The following GOLPH3 variants were observed in gnomAD, a reference collection of about 807,000 sequenced individuals.
GOLPH3 encodes golgi phosphoprotein 3, also known as coat protein GPP34.
In GOLPH3, 14 loss-of-function variants were observed where a neutral mutation model predicts 28.5. The ratio of observed to expected loss-of-function variants is 0.49; its 90% CI spans 0.32 to 0.77. The LOEUF is 0.77. Ranked by LOEUF, GOLPH3 falls within the 30% of genes least tolerant of loss-of-function variation. The probability of loss-of-function intolerance (pLI) is 0.03; values close to 1 mark genes in which losing one functional copy is unlikely to be tolerated. For missense variants in GOLPH3, 350 were observed against 393.7 expected (o/e 0.89, Z 0.94); for synonymous variants, 158 against 159.2 (o/e 0.99, Z 0.06).
At chr5:32,171,717 G>A (rs936270966) in intron 1 of GOLPH3, among the ~76,000 whole-genome samples, 1 of 152,084 alleles carries the variant, frequency 6.6e-6, no homozygotes, top group African/African-American at 2.4e-5. Context: ...GGAGGCCGAG[G>A]CAAGTGGATC....
intron 2 of GOLPH3, among the ~76,000 whole-genome samples, chr5:32,143,224 T>A (rs1004313600): frequency 2.0e-5 from 3 of 152,050 alleles, no homozygotes; most frequent in Admixed American, 6.5e-5. Flanking sequence ...GTGCAAGATG[T>A]GCTTTGTTAA....
intron 1 of GOLPH3, among the ~76,000 whole-genome samples, chr5:32,153,501 T>G (rs1367664588): frequency 6.6e-6 from 1 of 151,900 alleles, no homozygotes; most frequent in Non-Finnish European, 1.5e-5. Context: ...TATTTTAACT[T>G]TAGAATACAG....
chr5:32,128,207 G>A (rs1455300190), intron 3 of GOLPH3, among the ~76,000 whole-genome samples: 1 of 152,200 alleles, frequency 6.6e-6, no homozygotes, highest in Non-Finnish European at 1.5e-5. Flanking sequence ...AATTCTAAGA[G>A]TTCAGTAGAG....
chr5:32,132,107 G>GACTGCACC, intron 3 of GOLPH3, among the ~76,000 whole-genome samples: 1 of 152,322 alleles, frequency 6.6e-6, no homozygotes, highest in East Asian at 1.9e-4. Flanking sequence ...AGTGAGCTGT[G>GACTGCACC]ACTGCACCAC....
At chr5:32,164,519 G>C (rs1191886735) in intron 1 of GOLPH3, among the ~76,000 whole-genome samples, 1 of 151,584 alleles carries the variant, frequency 6.6e-6, no homozygotes, top group Non-Finnish European at 1.5e-5. Context: ...TCAGCCTCCC[G>C]AGTAGCTGGG....
At chr5:32,150,144 A>C (rs1746272656) in intron 1 of GOLPH3, among the ~76,000 whole-genome samples, 1 of 152,158 alleles carries the variant, frequency 6.6e-6, no homozygotes, top group Non-Finnish European at 1.5e-5. Flanking sequence ...CAAACAAAAT[A>C]CACATGTTAA....
At chr5:32,143,309 A>G (rs1746122742) in intron 2 of GOLPH3, among the ~76,000 whole-genome samples, 1 of 151,382 alleles carries the variant, frequency 6.6e-6, no homozygotes, top group Non-Finnish European at 1.5e-5. Flanking sequence ...GGACACAAAC[A>G]CTGCGGAAGG....
chr5:32,167,257 C>T (rs902629158), intron 1 of GOLPH3, among the ~76,000 whole-genome samples: 9 of 152,096 alleles, frequency 5.9e-5, no homozygotes, highest in Non-Finnish European at 1.3e-4. Context: ...CTGCAACCTC[C>T]GCCTCTCAGG....
In GOLPH3 at chr5:32,146,543, G is replaced by A. The variant is rs143688081; in HGVS notation, c.226-2663C>T. ...AGTCCCCTAAAACTGCCAACACTGA[G>A]AAGAGTTCTCACCATTCCAGTTAAG... On this transcript the variant is annotated intron_variant, in intron 1 of 3. Transcript: ENST00000265070. Among the ~76,000 whole-genome samples the A allele has an allele frequency of 6.3e-3, 962 of 152,206 alleles. 16 individuals are homozygous for A. Among genetic ancestry groups the A allele is most frequent in the African/African-American group, 0.022 (925 of 41,494 alleles).
In GOLPH3 at chr5:32,172,883, T is replaced by C. The variant is rs180827053; in HGVS notation, c.225+927A>G. Among the ~76,000 whole-genome samples, 6 of 152,318 alleles carry C rather than the reference T, an allele frequency of 3.9e-5. No homozygotes were observed. The East Asian group carries it at 9.6e-4, about 24-fold the overall frequency. On this transcript the variant is annotated intron_variant, in intron 1 of 3. Transcript: ENST00000265070. The stretch of plus-strand genomic sequence containing the variant: ...TCTCCACATAAATAAATAATCATTT[T>C]TGTAGGCAAATATAACAAATACAGC...
intron 2 of GOLPH3, among the ~76,000 whole-genome samples, chr5:32,137,000 C>A (rs1390634434): frequency 1.3e-5 from 2 of 152,024 alleles, no homozygotes; most frequent in Non-Finnish European, 2.9e-5. Flanking sequence ...GCTCATCACC[C>A]AGGCTGGAGT....
At position 32,158,123 on chromosome 5, in the gene GOLPH3, T is replaced by TA. The variant is rs1171260834; in HGVS notation, c.226-14244dup. Among the ~76,000 whole-genome samples the TA allele has an allele frequency of 1.8e-3, 152 of 86,654 alleles. 4 individuals are homozygous for TA. Among genetic ancestry groups the TA allele is most frequent in the Admixed American group, 3.4e-3 (26 of 7,702 alleles). 56.8% of individuals were successfully genotyped at this position (86,654 alleles called of 152,430 possible). ...ATAAATAAATAAATAAATAAATAAA[T>TA]AAATAAAATACACACACACACACAC... On this transcript the variant is annotated intron_variant, in intron 1 of 3. Transcript: ENST00000265070.
intron 1 of GOLPH3, among the ~76,000 whole-genome samples, chr5:32,169,045 G>A (rs900046641): frequency 6.6e-5 from 10 of 152,002 alleles, no homozygotes; most frequent in African/African-American, 1.2e-4. Context: ...AGACTGAAGC[G>A]GGAGGATCAC....
Position 32,135,677 on chromosome 5 carries a change from T to C in GOLPH3, c.367A>G (p.Lys123Glu). ...KSLLTRKVIC[K>E]SDAPTGDVLL... ...ACATCCCCTGTTGGAGCATCTGACTTACAGATTACCTAAAAAGAAAGCAAA... is the reference window on the plus strand; with the variant it reads ...ACATCCCCTGTTGGAGCATCTGACTCACAGATTACCTAAAAAGAAAGCAAA... Residue 123 changes from lysine (K) to glutamate (E), a missense_variant, in exon 3 of 4, where the codon AAG (lysine) becomes GAG (glutamate). Transcript: ENST00000265070. 4 of 1,604,930 alleles carry C rather than the reference T, an allele frequency of 2.5e-6. No homozygotes were observed. The highest frequency in any genetic ancestry group is 3.4e-6 in the Non-Finnish European group (4 of 1,172,024).
chr5:32,147,194 CATT>C (rs1411843630), intron 1 of GOLPH3, among the ~76,000 whole-genome samples: 6 of 151,930 alleles, frequency 3.9e-5, no homozygotes, highest in East Asian at 1.9e-4. Flanking sequence ...TTGATCACAT[CATT>C]ATCATAGTAA....
chr5:32,137,703 G>A (rs1436127224), intron 2 of GOLPH3, among the ~76,000 whole-genome samples: 1 of 152,070 alleles, frequency 6.6e-6, no homozygotes, highest in Non-Finnish European at 1.5e-5. Flanking sequence ...TTTTAAAAGT[G>A]GAAAAATCCA....
Position 32,142,938 on chromosome 5 carries a change from G to T in GOLPH3, c.357+811C>A, listed in dbSNP as rs555500111. On this transcript the variant is annotated intron_variant, in intron 2 of 3. Coordinates refer to ENST00000265070, the MANE Select transcript of GOLPH3 (RefSeq NM_022130.4). Reference sequence around the variant, plus strand: ...AGCCCCTCTGCCCGGCCACCACCCCGTCTGGGAGGTGTACCCAACAGCTCA... The same window carrying T: ...AGCCCCTCTGCCCGGCCACCACCCCTTCTGGGAGGTGTACCCAACAGCTCA... 7.6e-4 allele frequency among the ~76,000 whole-genome samples: 115 copies of T among 152,200 alleles called. 2 individuals carry two copies. In the South Asian group the frequency reaches 0.023, roughly 30 times the overall value.
At chr5:32,141,610 C>T (rs1252778495) in intron 2 of GOLPH3, among the ~76,000 whole-genome samples, 2 of 150,778 alleles carry the variant, frequency 1.3e-5, no homozygotes, top group African/African-American at 2.5e-5. Flanking sequence ...CCCACGGTCT[C>T]CCTCCTCTCC....
intron 2 of GOLPH3, among the ~76,000 whole-genome samples, chr5:32,139,379 G>A (rs963768906): frequency 2.0e-5 from 3 of 152,140 alleles, no homozygotes; most frequent in African/African-American, 7.2e-5. Flanking sequence ...GATATTTGAG[G>A]GGAGTCCTAG....
Sources: gnomAD v4.1 joint callset for allele counts (sites outside exome capture counted in the v4.1 genomes callset) on GRCh38, gnomAD v4.1.1 for gene constraint, MANE v1.5 for transcripts, NCBI Gene and HGNC (gene_info 2026-07-23, HGNC 2026-07-21) for gene names.